PCDHA12: variants seen among roughly 807,000 people sequenced by gnomAD.
PCDHA12 encodes the protein protocadherin alpha-12.
Under a neutral mutation model 60.0 loss-of-function variants are expected in PCDHA12, and 44 were observed. The observed-to-expected ratio is 0.73, with a 90% CI of 0.58 to 0.94. PCDHA12 has a LOEUF of 0.94. PCDHA12 is among the 40% of genes least tolerant of loss of function. The pLI is 0.00. For missense variants in PCDHA12, 1,276 were observed against 1,239.7 expected, an observed-to-expected ratio of 1.03 and a Z score of -0.44; for synonymous variants, 569 against 553.0, an observed-to-expected ratio of 1.03 and a Z score of -0.40.
chr5:140,981,443 G>A lies in PCDHA12; in HGVS notation c.2427-1032G>A, dbSNP rs530782878. ...ACAAAAATGAGCCAGGCATGGTGGC[G>A]GGTGCCTGTAGTCCCAGCTACTTGG... On this transcript the variant is annotated intron_variant, in intron 2 of 3. Transcript: ENST00000398631. Among the ~76,000 whole-genome samples, 6 of 152,126 alleles carry A rather than the reference G, an allele frequency of 3.9e-5. No homozygotes were observed. The Middle Eastern group carries it at 0.01, about 259-fold the overall frequency.
At chr5:141,002,595 C>T (rs2098087240) in intron 3 of PCDHA12, among the ~76,000 whole-genome samples, 2 of 152,192 alleles carry the variant, frequency 1.3e-5, no homozygotes, top group Admixed American at 1.3e-4. Context: ...TTAGTCCCCT[C>T]ATCTATAAAA....
At chr5:140,975,093 T>C (rs578045924) in intron 1 of PCDHA12, among the ~76,000 whole-genome samples, 2 of 152,266 alleles carry the variant, frequency 1.3e-5, no homozygotes, top group South Asian at 2.1e-4. Context: ...ATCCAGTTGT[T>C]TGGGGACTGA....
At chr5:140,931,975 T>C (rs2087911858) in intron 1 of PCDHA12, among the ~76,000 whole-genome samples, 1 of 151,962 alleles carries the variant, frequency 6.6e-6, no homozygotes, top group Non-Finnish European at 1.5e-5. Flanking sequence ...CATATGTGTT[T>C]ATATTTTGCT....
rs2057160256 is a variant in PCDHA12, at chr5:140,877,490, G to T, written c.2018G>T (p.Gly673Val). 2 of 1,613,718 alleles carry T rather than the reference G, an allele frequency of 1.2e-6. No individual in the cohort carries two copies. Among genetic ancestry groups the T allele is most frequent in the Non-Finnish European group, 1.7e-6 (2 of 1,179,876 alleles). The change falls in exon 1 of 4, where the codon GGC becomes GTC. Residue 673 changes from glycine (G) to valine (V), a missense_variant. Transcript: ENST00000398631. ...ATVLVSLVEN[G>V]QAPKTSSRAS... is the part of the protein sequence containing the mutation. Reference sequence around the variant, plus strand: ...GTGCTGGTGTCGCTGGTGGAGAACGGCCAGGCCCCAAAGACGTCGTCGCGG... The same window carrying T: ...GTGCTGGTGTCGCTGGTGGAGAACGTCCAGGCCCCAAAGACGTCGTCGCGG...
intron 1 of PCDHA12, chr5:140,884,080 T>C (rs2059984285): frequency 6.2e-7 from 1 of 1,613,538 alleles, no homozygotes; most frequent in Non-Finnish European, 8.5e-7. Flanking sequence ...CGGGCTACAA[T>C]GCGTGGCTTT....
At chr5:140,995,577 A>G (rs892793952) in intron 3 of PCDHA12, among the ~76,000 whole-genome samples, 7 of 152,242 alleles carry the variant, frequency 4.6e-5, no homozygotes, top group Non-Finnish European at 1.0e-4. Flanking sequence ...AAGATGAGCT[A>G]TGAGCTTTTA....
At chr5:140,994,788 C>A (rs139745274) in intron 3 of PCDHA12, among the ~76,000 whole-genome samples, 6 of 152,076 alleles carry the variant, frequency 3.9e-5, no homozygotes, top group Admixed American at 3.9e-4. Flanking sequence ...GGAAACAATG[C>A]GTGCATGCAA....
Position 141,009,859 on chromosome 5 carries a change from G to A in PCDHA12, c.2748G>A (p.Lys916=). The A allele has an allele frequency of 1.2e-6, 2 of 1,613,884 alleles. No homozygotes were observed. Among genetic ancestry groups the A allele is most frequent in the Non-Finnish European group, 1.7e-6 (2 of 1,179,960 alleles). The part of the protein sequence containing the change: ...TFGKKEETKK[K]KKKKKGNKTQ... ...GCAAAAAGGAGGAGACCAAGAAAAA[G>A]AAGAAAAAGAAGAAGGGTAACAAGA... The change falls in exon 4 of 4, where the codon AAG becomes AAA. Residue 916 remains lysine (K), a synonymous_variant. Transcript: ENST00000398631.
intron 1 of PCDHA12, among the ~76,000 whole-genome samples, chr5:140,932,798 T>C (rs2153613163): frequency 6.6e-6 from 1 of 151,958 alleles, no homozygotes; most frequent in Middle Eastern, 3.4e-3. Flanking sequence ...AGAAAAGCAA[T>C]ACCTTGGAAA....
At chr5:140,883,773 G>C (rs1362933627) in intron 1 of PCDHA12, 11 of 1,612,372 alleles carry the variant, frequency 6.8e-6, no homozygotes, top group Non-Finnish European at 9.3e-6. Context: ...GTGGGCGAGC[G>C]TGCGCTGTCG....
intron 1 of PCDHA12, among the ~76,000 whole-genome samples, chr5:140,975,937 A>C (rs2096690423): frequency 1.3e-5 from 2 of 152,194 alleles, no homozygotes; most frequent in South Asian, 2.1e-4. Context: ...CTTTGAAGCA[A>C]TAGGACATAT....
intron 3 of PCDHA12, among the ~76,000 whole-genome samples, chr5:140,994,758 G>A (rs150618369): frequency 1.3e-5 from 2 of 152,248 alleles, no homozygotes; most frequent in East Asian, 3.9e-4. Flanking sequence ...GATGTGGAGA[G>A]GAAGAGAATT....
chr5:140,918,651 C>A (rs1418223257), intron 1 of PCDHA12, among the ~76,000 whole-genome samples: 1 of 152,144 alleles, frequency 6.6e-6, no homozygotes, highest in African/African-American at 2.4e-5. Flanking sequence ...AAACCTAATT[C>A]TCATGTTGAT....
In PCDHA12 at chr5:140,876,987, G is replaced by C. The variant is rs782251799; in HGVS notation, c.1515G>C (p.Ser505=). 11 of 1,612,658 alleles carry C rather than the reference G, an allele frequency of 6.8e-6. No homozygotes were observed. The South Asian group carries it at 9.9e-5, about 14-fold the overall frequency. ...VERRVGEHAL[S]SYVSVHAESG... is the part of the protein sequence containing the mutation. ...GGCGGGTGGGCGAGCACGCACTGTC[G>C]AGCTACGTGTCGGTGCACGCGGAGA... The change falls in exon 1 of 4, where the codon TCG becomes TCC. Residue 505 remains serine, a synonymous_variant. Coordinates refer to ENST00000398631, the MANE Select transcript of PCDHA12 (RefSeq NM_018903.4).
chr5:140,967,515 C>G, intron 1 of PCDHA12: 1 of 1,612,792 alleles, frequency 6.2e-7, no homozygotes, highest in Non-Finnish European at 8.5e-7. Flanking sequence ...GTCCTGGACA[C>G]TAACGACAAC....
At chr5:140,936,242 T>C (rs2090852443) in intron 1 of PCDHA12, among the ~76,000 whole-genome samples, 1 of 152,196 alleles carries the variant, frequency 6.6e-6, no homozygotes, top group African/African-American at 2.4e-5. Flanking sequence ...AAAGAAAACA[T>C]ATCCTGCTTC....
intron 1 of PCDHA12, among the ~76,000 whole-genome samples, chr5:140,957,130 A>G (rs1554222831): frequency 6.6e-6 from 1 of 152,188 alleles, no homozygotes; most frequent in East Asian, 1.9e-4. Context: ...TCTTTACTAC[A>G]CTATGAACTA....
intron 1 of PCDHA12, among the ~76,000 whole-genome samples, chr5:140,971,595 A>G (rs1228003229): frequency 6.6e-6 from 1 of 152,110 alleles, no homozygotes; most frequent in African/African-American, 2.4e-5. Flanking sequence ...CCTAGTTACT[A>G]CAGATGGCAG....
chr5:140,916,322 C>T (rs2077526281), intron 1 of PCDHA12, among the ~76,000 whole-genome samples: 1 of 152,066 alleles, frequency 6.6e-6, no homozygotes, highest in Non-Finnish European at 1.5e-5. Context: ...GACAAAGTCC[C>T]CTTTACTTTT....
Sources: gnomAD v4.1 joint callset for allele counts (sites outside exome capture counted in the v4.1 genomes callset) on GRCh38, gnomAD v4.1.1 for gene constraint, MANE v1.5 for transcripts, NCBI Gene and HGNC (gene_info 2026-07-23, HGNC 2026-07-21) for gene names.